Variants in CPVL observed in about 807,000 individuals in gnomAD.
CPVL encodes the protein probable serine carboxypeptidase CPVL.
CPVL carries 51 observed loss-of-function variants against 63.7 expected under a neutral mutation model. The ratio of observed to expected loss-of-function variants is 0.80; its 90% confidence interval spans 0.64 to 1.01. The LOEUF (loss-of-function observed/expected upper bound fraction) is 1.01, where lower values mean the gene tolerates loss of function less well. Among genes scored for constraint, CPVL ranks in the 50% least tolerant of loss-of-function variants. The probability of loss-of-function intolerance (pLI) is 0.00; values close to 1 mark genes in which losing one functional copy is unlikely to be tolerated. For synonymous variants in CPVL, 195 were observed against 206.0 expected (o/e 0.95, Z 0.46); for missense variants, 530 against 573.1 (o/e 0.92, Z 0.77).
intron 3 of CPVL, among the ~76,000 whole-genome samples, chr7:29,100,581 C>T (rs932750016): frequency 2.2e-4 from 33 of 152,146 alleles, no homozygotes; most frequent in African/African-American, 7.7e-4. Flanking sequence ...CCTCTGGACT[C>T]AGAAAAATAG....
chr7:29,138,849 C>T (rs562912054), intron 1 of CPVL, among the ~76,000 whole-genome samples: 103 of 152,250 alleles, frequency 6.8e-4, no homozygotes, highest in African/African-American at 1.7e-3. Flanking sequence ...GCTAATCCAG[C>T]GGGTACCTCT....
At chr7:29,029,252 A>T (rs1392767140) in intron 12 of CPVL, among the ~76,000 whole-genome samples, 1 of 107,710 alleles carries the variant, frequency 9.3e-6, no homozygotes, top group Non-Finnish European at 2.2e-5. Flanking sequence ...GAGGTTTCTA[A>T]AAAAAACTAC....
At chr7:29,092,228 A>G (rs2128605460) in intron 6 of CPVL, among the ~76,000 whole-genome samples, 1 of 150,884 alleles carries the variant, frequency 6.6e-6, no homozygotes, top group South Asian at 2.1e-4. Context: ...AGAAGAAGAG[A>G]GAATACTAGA....
At chr7:29,181,866 G>GC (rs1309644649) in intron 4 of CPVL, among the ~76,000 whole-genome samples, 1 of 151,906 alleles carries the variant, frequency 6.6e-6, no homozygotes, top group Non-Finnish European at 1.5e-5. Flanking sequence ...CCTAAGGGGG[G>GC]GAAAAGTACC....
At chr7:29,131,626 C>T (rs1790706970) in intron 1 of CPVL, among the ~76,000 whole-genome samples, 1 of 152,220 alleles carries the variant, frequency 6.6e-6, no homozygotes, top group Admixed American at 6.5e-5. Flanking sequence ...GATCCTCCCA[C>T]CTCATCCTCC....
chr7:28,994,791 T>C (rs1347695472), downstream of CPVL, among the ~76,000 whole-genome samples: 1 of 152,202 alleles, frequency 6.6e-6, no homozygotes, highest in African/African-American at 2.4e-5. Context: ...GGCTTTGACT[T>C]TTTAAATTTA....
intron 11 of CPVL, among the ~76,000 whole-genome samples, chr7:29,054,641 T>C (rs1480296139): frequency 2.0e-5 from 3 of 152,248 alleles, no homozygotes; most frequent in Non-Finnish European, 4.4e-5. Flanking sequence ...AGTACATGTG[T>C]CTGTGCATTC....
intron 11 of CPVL, among the ~76,000 whole-genome samples, chr7:29,049,349 C>A (rs568630165): frequency 5.9e-5 from 9 of 152,180 alleles, no homozygotes; most frequent in African/African-American, 1.7e-4. Flanking sequence ...ACCAACACCA[C>A]TGAAATATAA....
chr7:29,054,464 C>T (rs1317296188), intron 11 of CPVL, among the ~76,000 whole-genome samples: 1 of 152,208 alleles, frequency 6.6e-6, no homozygotes, highest in Admixed American at 6.5e-5. Context: ...CCATTGCTGT[C>T]ACTGACAAGT....
At chr7:29,153,231 G>C (rs1325889739) in intron 5 of CPVL, among the ~76,000 whole-genome samples, 2 of 152,194 alleles carry the variant, frequency 1.3e-5, no homozygotes, top group Non-Finnish European at 2.9e-5. Context: ...GTGGGCCTCT[G>C]TGTGTACTCT....
chr7:29,088,889 T>C (rs1785483548), intron 6 of CPVL, among the ~76,000 whole-genome samples: 1 of 152,002 alleles, frequency 6.6e-6, no homozygotes, highest in Non-Finnish European at 1.5e-5. Context: ...GCAGGAGAAT[T>C]GCTTGAACCT....
At chr7:29,085,238 A>C (rs1371178107) in intron 7 of CPVL, among the ~76,000 whole-genome samples, 1 of 152,238 alleles carries the variant, frequency 6.6e-6, no homozygotes, top group Admixed American at 6.5e-5. Context: ...AAGAAGTACA[A>C]GATGCTTCTG....
intron 7 of CPVL, 112 bp downstream of exon 7, chr7:29,086,372 G>T (rs1785203442): frequency 2.8e-6 from 2 of 704,178 alleles, no homozygotes; most frequent in Middle Eastern, 3.2e-4. Context: ...ATATTGATAT[G>T]TATGTGTACA....
intron 5 of CPVL, among the ~76,000 whole-genome samples, chr7:29,166,703 A>G (rs1795964804): frequency 6.6e-6 from 1 of 151,600 alleles, no homozygotes; most frequent in Non-Finnish European, 1.5e-5. Flanking sequence ...CTGTATTGGT[A>G]TCCTCTCTCT....
At chr7:29,089,578 T>A (rs141282226) in intron 6 of CPVL, among the ~76,000 whole-genome samples, 4 of 152,266 alleles carry the variant, frequency 2.6e-5, no homozygotes, top group African/African-American at 9.6e-5. Context: ...TGCCTATCAG[T>A]GGGCCATGTC....
chr7:29,069,940 C>G (rs1490886657), intron 9 of CPVL, among the ~76,000 whole-genome samples: 1 of 152,094 alleles, frequency 6.6e-6, no homozygotes, highest in Non-Finnish European at 1.5e-5. Flanking sequence ...GTCAAACAGG[C>G]TTTATCATTT....
intron 1 of CPVL, among the ~76,000 whole-genome samples, chr7:29,138,909 G>A (rs546892967): frequency 5.3e-5 from 8 of 152,272 alleles, no homozygotes; most frequent in Admixed American, 1.3e-4. Flanking sequence ...ATATTTCAGA[G>A]GCCTCTTCCC....
At chr7:29,149,918 T>G (rs765210183), upstream of CPVL, among the ~76,000 whole-genome samples, 1 of 152,238 alleles carries the variant, frequency 6.6e-6, no homozygotes, top group African/African-American at 2.4e-5. Context: ...TGACCTCATT[T>G]TAGCTTGATT....
chr7:29,116,720 G>A (rs751345599), intron 2 of CPVL, among the ~76,000 whole-genome samples: 3 of 152,300 alleles, frequency 2.0e-5, no homozygotes, highest in Non-Finnish European at 2.9e-5. Context: ...GTGTGAAAAT[G>A]CAGTGTTTAT....
Sources: allele counts gnomAD v4.1 joint callset (sites outside exome capture counted in the v4.1 genomes callset), GRCh38; gene constraint gnomAD v4.1.1; transcripts MANE v1.5; gene names NCBI Gene and HGNC (gene_info 2026-07-23, HGNC 2026-07-21).